The following KRCC1 variants were observed in gnomAD, a reference collection of about 807,000 sequenced individuals.
The protein encoded by KRCC1 is lysine-rich coiled-coil protein 1.
In KRCC1, 3 loss-of-function variants were observed where a neutral mutation model predicts 7.4. The ratio of observed to expected loss-of-function variants is 0.40; its 90% confidence interval spans 0.18 to 1.04. KRCC1 has a LOEUF of 1.04. Among genes scored for constraint, KRCC1 ranks in the 50% least tolerant of loss-of-function variants. The pLI, the probability that KRCC1 is intolerant of heterozygous loss-of-function variation, is 0.33. For synonymous variants in KRCC1, 102 were observed against 101.6 expected (o/e 1.00, Z -0.02); for missense variants, 277 against 300.9 (o/e 0.92, Z 0.59).
intron 1 of KRCC1, among the ~76,000 whole-genome samples, chr2:88,050,480 G>A (rs1467043748): frequency 3.3e-5 from 5 of 152,146 alleles, no homozygotes; most frequent in Non-Finnish European, 7.3e-5. Context: ...AAAATTAGCT[G>A]GGCATGGTGG....
At chr2:88,032,437 A>G (rs1002944792) in intron 3 of KRCC1, among the ~76,000 whole-genome samples, 2 of 152,196 alleles carry the variant, frequency 1.3e-5, no homozygotes, top group African/African-American at 4.8e-5. Flanking sequence ...AACATGCTGT[A>G]CAGATTTGTA....
rs75676526 is a variant in KRCC1 at position 88,054,595 on chromosome 2, C to T, written c.-291+1031G>A. Reference sequence around the variant, plus strand: ...CACAGCTGGCCTACTTGCGTTTTTACAATGATCAGCACTTTGTAATTTTTC... The same window carrying T: ...CACAGCTGGCCTACTTGCGTTTTTATAATGATCAGCACTTTGTAATTTTTC... On this transcript the variant is annotated intron_variant, in intron 1 of 3. Coordinates refer to ENST00000347055, the MANE Select transcript of KRCC1 (RefSeq NM_016618.3). 5.1e-3 allele frequency among the ~76,000 whole-genome samples: 770 copies of T among 152,250 alleles called. 8 individuals are homozygous for T. The highest frequency in any genetic ancestry group is 0.017 in the African/African-American group (724 of 41,544).
intron 3 of KRCC1, among the ~76,000 whole-genome samples, chr2:88,033,251 C>T (rs530343167): frequency 3.3e-5 from 5 of 151,112 alleles, no homozygotes; most frequent in Non-Finnish European, 5.9e-5. Context: ...TGGCTGGGCG[C>T]GGTGGCTCAG....
At chr2:88,048,950 G>A (rs1673406659) in intron 1 of KRCC1, among the ~76,000 whole-genome samples, 2 of 152,162 alleles carry the variant, frequency 1.3e-5, no homozygotes, top group Non-Finnish European at 2.9e-5. Flanking sequence ...GGGTAACAAT[G>A]CAGCCCAATA....
chr2:88,046,614 T>C (rs1244028725), intron 1 of KRCC1, among the ~76,000 whole-genome samples: 1 of 152,252 alleles, frequency 6.6e-6, no homozygotes, highest in Non-Finnish European at 1.5e-5. Flanking sequence ...TTTATGGAAG[T>C]TGAAGGATGG....
In KRCC1 at chr2:88,047,140, CTAGA is replaced by C. The variant is rs566577295; in HGVS notation, c.-291+8482_-291+8485del. Reference sequence around the variant, plus strand: ...AGGAATCATTCTACTTTTCTTAATTCTAGATTTACCAATCTGTTACATTCTACCT... The same window carrying C: ...AGGAATCATTCTACTTTTCTTAATTCTTTACCAATCTGTTACATTCTACCT... On this transcript the variant is annotated intron_variant, in intron 1 of 3. Transcript: ENST00000347055. Among the ~76,000 whole-genome samples the C allele has an allele frequency of 3.9e-5, 6 of 152,352 alleles. No homozygotes were observed. The East Asian group carries it at 1.2e-3, about 29-fold the overall frequency.
intron 1 of KRCC1, among the ~76,000 whole-genome samples, chr2:88,055,210 G>C (rs968112982): frequency 6.6e-6 from 1 of 151,732 alleles, no homozygotes; most frequent in Non-Finnish European, 1.5e-5. Flanking sequence ...TACTTTCCAG[G>C]ATGCTGAACT....
intron 1 of KRCC1, among the ~76,000 whole-genome samples, chr2:88,048,718 T>C (rs1261350723): frequency 3.3e-5 from 5 of 152,210 alleles, no homozygotes; most frequent in Non-Finnish European, 5.9e-5. Flanking sequence ...AGTACAATAA[T>C]GAATAGAAGC....
At chr2:88,047,103 A>ATATTCTTAAATACTAGGAATTTAACGAT (rs1673353259) in intron 1 of KRCC1, among the ~76,000 whole-genome samples, 1 of 152,260 alleles carries the variant, frequency 6.6e-6, no homozygotes, top group African/African-American at 2.4e-5. Flanking sequence ...AGAGCTTCAT[A>ATATTCTTAAATACTAGGAATTTAACGAT]TCTTAAATAC....
chr2:88,053,741 A>G (rs975969662), intron 1 of KRCC1, among the ~76,000 whole-genome samples: 7 of 152,246 alleles, frequency 4.6e-5, no homozygotes, highest in African/African-American at 9.6e-5. Flanking sequence ...CAATAGACAC[A>G]AAGTCAATTG....
At chr2:88,038,221 T>G (rs1256005694) in intron 1 of KRCC1, among the ~76,000 whole-genome samples, 2 of 152,200 alleles carry the variant, frequency 1.3e-5, no homozygotes, top group East Asian at 3.8e-4. Context: ...GCATTTGGCC[T>G]CCAATCCATT....
At chr2:88,040,783 TA>T (rs1376402276) in intron 1 of KRCC1, among the ~76,000 whole-genome samples, 14 of 152,274 alleles carry the variant, frequency 9.2e-5, no homozygotes, top group African/African-American at 3.1e-4. Flanking sequence ...CAAAAATGTG[TA>T]AAGTGCTGTA....
At chr2:88,041,830 A>T (rs988911889) in intron 1 of KRCC1, among the ~76,000 whole-genome samples, 2 of 152,116 alleles carry the variant, frequency 1.3e-5, no homozygotes, top group Non-Finnish European at 1.5e-5. Flanking sequence ...TCTTCCTCTA[A>T]CCTGGACATT....
chr2:88,028,642 C>CTTTTTTTTTTT (rs1419047999), intron 3 of KRCC1, 57 bp from the exon 4 acceptor site: 1 of 676,770 alleles, frequency 1.5e-6, no homozygotes, highest in Admixed American at 4.6e-5. Flanking sequence ...ATTTCCTTTG[C>CTTTTTTTTTTT]TCTTTTTTTT....
chr2:88,043,600 T>G (rs1050238557), intron 1 of KRCC1, among the ~76,000 whole-genome samples: 3 of 152,266 alleles, frequency 2.0e-5, no homozygotes, highest in Non-Finnish European at 4.4e-5. Context: ...GACCTATTAA[T>G]AACCTGTCCT....
chr2:88,041,098 T>A (rs920598032), intron 1 of KRCC1, among the ~76,000 whole-genome samples: 9 of 152,150 alleles, frequency 5.9e-5, no homozygotes, highest in Non-Finnish European at 1.0e-4. Flanking sequence ...ATGGAGATAT[T>A]GTTAGGTAGC....
chr2:88,054,385 A>G lies in KRCC1; in HGVS notation c.-291+1241T>C, dbSNP rs552169576. On this transcript the variant is annotated intron_variant, in intron 1 of 3. Transcript: ENST00000347055. The stretch of plus-strand genomic sequence containing the variant: ...CCCTTTTAAAAGGCATTTACTAAAA[A>G]GGGCTCACAACTACGAATCCTCCTC... Among the ~76,000 whole-genome samples the G allele has an allele frequency of 2.6e-5, 4 of 152,308 alleles. No individual in the cohort carries two copies. The South Asian group carries it at 8.3e-4, about 32-fold the overall frequency.
Position 88,027,716 on chromosome 2 carries a change from G to A in KRCC1, c.*68C>T, listed in dbSNP as rs549067943. 1.5e-5 allele frequency: 21 copies of A among 1,372,358 alleles called. No individual in the cohort carries two copies. The highest frequency in any genetic ancestry group is 9.4e-5 in the Admixed American group (4 of 42,534). 85.0% of individuals were successfully genotyped at this position (1,372,358 alleles called of 1,614,324 possible). A position where few individuals can be genotyped will look rare whatever the true frequency, so the allele number is the denominator to read the frequency against. ...CACATAAGAAAAGTGGTATGAACAC[G>A]GATATCATAAAACCAAGCTCTCACC... is the stretch of plus-strand genomic sequence containing the variant. On this transcript the variant is annotated 3_prime_UTR_variant, in exon 4 of 4. Coordinates refer to ENST00000347055, the MANE Select transcript of KRCC1 (RefSeq NM_016618.3).
rs1225117660 is a variant in KRCC1, at chr2:88,027,574, T to C, written c.*210A>G. On this transcript the variant is annotated 3_prime_UTR_variant, in exon 4 of 4. Transcript: ENST00000347055. ...TTTCATTAAAGGAAATTACACTATATGTTCAAAAAATGTAATAATGCTTTT... is the reference window on the plus strand; with the variant it reads ...TTTCATTAAAGGAAATTACACTATACGTTCAAAAAATGTAATAATGCTTTT... The C allele has an allele frequency of 2.1e-6, 1 of 472,862 alleles. No homozygotes were observed. The highest frequency in any genetic ancestry group is 3.7e-6 in the Non-Finnish European group (1 of 270,670). The allele number at this position is 472,862 out of a possible 1,614,324, so 29.3% of individuals were successfully genotyped here.
Sources: allele counts gnomAD v4.1 joint callset (sites outside exome capture counted in the v4.1 genomes callset), GRCh38; gene constraint gnomAD v4.1.1; transcripts MANE v1.5; gene names NCBI Gene and HGNC (gene_info 2026-07-23, HGNC 2026-07-21).